CRISPLD1: variants seen among roughly 807,000 people sequenced by gnomAD.
The protein encoded by CRISPLD1 is cysteine-rich secretory protein LCCL domain-containing 1.
CRISPLD1 carries 60 observed loss-of-function variants against 77.5 expected under a neutral mutation model. That is an observed-to-expected ratio of 0.77 (90% CI 0.63 to 0.96). The LOEUF is 0.96. Among genes scored for constraint, CRISPLD1 ranks in the 40% least tolerant of loss-of-function variants. The probability of loss-of-function intolerance (pLI) is 0.00; values close to 1 mark genes in which losing one functional copy is unlikely to be tolerated. For synonymous variants in CRISPLD1, 195 were observed against 200.1 expected, an observed-to-expected ratio of 0.97 and a Z score of 0.22; for missense variants, 623 against 615.8, an observed-to-expected ratio of 1.01 and a Z score of -0.12.
chr8:75,026,008 A>G (rs928207933), intron 13 of CRISPLD1, among the ~76,000 whole-genome samples: 1 of 152,212 alleles, frequency 6.6e-6, no homozygotes, highest in South Asian at 2.1e-4. Context: ...GGCCATTTAA[A>G]ATGTAGCATA....
intron 2 of CRISPLD1, among the ~76,000 whole-genome samples, chr8:75,004,262 C>G (rs998909834): frequency 2.6e-5 from 4 of 152,136 alleles, no homozygotes; most frequent in Non-Finnish European, 5.9e-5. Context: ...CCTATAACTA[C>G]AAAGTCTATT....
At chr8:75,020,754 A>G (rs1021424749) in intron 12 of CRISPLD1, among the ~76,000 whole-genome samples, 4 of 152,244 alleles carry the variant, frequency 2.6e-5, no homozygotes, top group Non-Finnish European at 5.9e-5. Flanking sequence ...TCATATTTTA[A>G]CATCATTATC....
In CRISPLD1 at chr8:75,012,493, C is replaced by T; in HGVS notation, c.319C>T (p.His107Tyr). The part of the protein sequence containing the change: ...ESWAESCLWE[H>Y]GPASLLPSIG... ...CTGGGCTGAAAGTTGCTTGTGGGAA[C>T]ATGGACCTGCAAGCTTGCTTCCATC... The change falls in exon 3 of 15, where the codon CAT becomes TAT. Residue 107 changes from histidine (H) to tyrosine (Y), a missense_variant. Physicochemically the swap from His to Tyr is moderately conservative, Grantham distance 83 (BLOSUM62 2). Coordinates refer to ENST00000262207, the MANE Select transcript of CRISPLD1 (RefSeq NM_031461.6). The T allele has an allele frequency of 6.2e-7, 1 of 1,613,102 alleles. No individual in the cohort carries two copies. Among genetic ancestry groups the T allele is most frequent in the Non-Finnish European group, 8.5e-7 (1 of 1,179,308 alleles).
intron 6 of CRISPLD1, 63 bp from the exon 7 acceptor site, chr8:75,016,502 A>C (rs1417985794): frequency 1.4e-6 from 2 of 1,416,044 alleles, no homozygotes; most frequent in Admixed American, 2.1e-5. Context: ...GTATATTATT[A>C]TTTGATAATT....
At chr8:74,998,266 G>T (rs1264888836) in intron 2 of CRISPLD1, among the ~76,000 whole-genome samples, 1 of 152,024 alleles carries the variant, frequency 6.6e-6, no homozygotes, top group Non-Finnish European at 1.5e-5. Context: ...AAAGAAGGGG[G>T]TTTGAGGATA....
chr8:74,991,456 A>G (rs1314733835), intron 2 of CRISPLD1, among the ~76,000 whole-genome samples: 1 of 152,176 alleles, frequency 6.6e-6, no homozygotes, highest in Admixed American at 6.5e-5. Context: ...TATAAAGGGA[A>G]GCATGTTGTC....
At chr8:75,019,760 A>G in intron 10 of CRISPLD1, 110 bp from the exon 11 acceptor site, 1 of 763,968 alleles carries the variant, frequency 1.3e-6, no homozygotes, top group Non-Finnish European at 2.2e-6. Context: ...CTATTTTAGT[A>G]AGTGTTTAAA....
chr8:75,017,916 C>T (rs1587022864), intron 10 of CRISPLD1, among the ~76,000 whole-genome samples: 2 of 152,196 alleles, frequency 1.3e-5, no homozygotes, highest in South Asian at 2.1e-4. Flanking sequence ...TTTCTTTTGT[C>T]CATTTAAAAG....
intron 2 of CRISPLD1, 87 bp from the exon 3 acceptor site, chr8:75,012,346 A>C: frequency 2.6e-6 from 2 of 770,148 alleles, no homozygotes; most frequent in South Asian, 3.3e-5. Flanking sequence ...GAAAGAAAGA[A>C]GAAAATGTAA....
At chr8:75,030,965 G>A (rs1008371193) in intron 14 of CRISPLD1, among the ~76,000 whole-genome samples, 1 of 151,816 alleles carries the variant, frequency 6.6e-6, no homozygotes, top group Non-Finnish European at 1.5e-5. Flanking sequence ...GGGGTTAAAT[G>A]ATGTGCTCAA....
chr8:75,005,735 T>C (rs1455078143), intron 2 of CRISPLD1, among the ~76,000 whole-genome samples: 1 of 152,178 alleles, frequency 6.6e-6, no homozygotes, highest in African/African-American at 2.4e-5. Context: ...GAATTTATTG[T>C]TCAAAACTTA....
chr8:75,013,690 G>A (rs1423291423), intron 4 of CRISPLD1, among the ~76,000 whole-genome samples: 1 of 152,122 alleles, frequency 6.6e-6, no homozygotes, highest in Non-Finnish European at 1.5e-5. Context: ...TCATAGAAAT[G>A]TTAATATGAC....
At chr8:74,987,275 C>G (rs1430575040) in intron 2 of CRISPLD1, among the ~76,000 whole-genome samples, 2 of 152,188 alleles carry the variant, frequency 1.3e-5, no homozygotes, top group African/African-American at 4.8e-5. Flanking sequence ...GTAGGTGGCA[C>G]TCAAGAGACT....
chr8:75,011,670 G>T (rs1296750662), intron 2 of CRISPLD1, among the ~76,000 whole-genome samples: 1 of 151,932 alleles, frequency 6.6e-6, no homozygotes. Context: ...TATTTTAAAA[G>T]AATTTGTCAT....
In CRISPLD1 at chr8:75,013,040, T is replaced by G; in HGVS notation, c.510+18T>G. 2 of 1,505,068 alleles carry G rather than the reference T, an allele frequency of 1.3e-6. No homozygotes were observed. Among genetic ancestry groups the G allele is most frequent in the Non-Finnish European group, 1.8e-6 (2 of 1,116,012 alleles). 93.2% of individuals were successfully genotyped at this position (1,505,068 alleles called of 1,614,324 possible). A position where few individuals can be genotyped will look rare whatever the true frequency, so the allele number is the denominator to read the frequency against. The stretch of plus-strand genomic sequence containing the variant: ...ATACACAGGTATGTTTGGGGGGTAT[T>G]ATACTTAATTCCCCCAAATTGAGTT... On this transcript the variant is annotated intron_variant, in intron 4 of 14. Transcript: ENST00000262207.
chr8:75,004,884 A>G (rs958864581), intron 2 of CRISPLD1, among the ~76,000 whole-genome samples: 1 of 152,134 alleles, frequency 6.6e-6, no homozygotes, highest in African/African-American at 2.4e-5. Context: ...ATGTTTTACC[A>G]TCATATTTTC....
chr8:75,029,582 T>G, intron 14 of CRISPLD1, 65 bp downstream of exon 14: 1 of 1,502,224 alleles, frequency 6.7e-7, no homozygotes, highest in South Asian at 1.2e-5. Flanking sequence ...ATGATTGCTT[T>G]ACAGTTGACC....
chr8:75,000,275 C>G, intron 2 of CRISPLD1: 1 of 985,066 alleles, frequency 1.0e-6, no homozygotes, highest in Non-Finnish European at 1.2e-6. Context: ...CAGATGTTGT[C>G]CAGAGAAGGA....
At chr8:74,991,177 A>G (rs1220183376) in intron 2 of CRISPLD1, among the ~76,000 whole-genome samples, 6 of 151,952 alleles carry the variant, frequency 3.9e-5, no homozygotes, top group Admixed American at 3.3e-4. Flanking sequence ...ATTTTTAATA[A>G]TAGAGATGGA....
Sources: allele counts gnomAD v4.1 joint callset (sites outside exome capture counted in the v4.1 genomes callset), GRCh38; gene constraint gnomAD v4.1.1; transcripts MANE v1.5; gene names NCBI Gene and HGNC (gene_info 2026-07-23, HGNC 2026-07-21).